The following SEMA6D variants were observed in gnomAD, a reference collection of about 807,000 sequenced individuals.
The protein encoded by SEMA6D is semaphorin 6D.
In SEMA6D, 35 loss-of-function variants were observed where a neutral mutation model predicts 106.6. The observed-to-expected ratio is 0.33, with a 90% CI of 0.25 to 0.44. The LOEUF (loss-of-function observed/expected upper bound fraction) is 0.44, where lower values mean the gene tolerates loss of function less well. Ranked by LOEUF, SEMA6D falls within the 20% of genes least tolerant of loss-of-function variation. The pLI, the probability that SEMA6D is intolerant of heterozygous loss-of-function variation, is 1.00. For synonymous variants in SEMA6D, 499 were observed against 487.7 expected (o/e 1.02, Z -0.31); for missense variants, 1,185 against 1,345.9 (o/e 0.88, Z 1.87).
Position 47,765,997 on chromosome 15 carries a change from G to A in SEMA6D, c.1556G>A (p.Gly519Glu). The change falls in exon 14 of 19, where the codon GGA becomes GAA. Residue 519 changes from glycine to glutamate, a missense_variant. Physicochemically the swap from Gly to Glu is moderately conservative, Grantham distance 98 (BLOSUM62 -2). Around this residue, in one of 3 missense-constraint regions of SEMA6D, gnomAD observed 750 missense variants for 783.5 expected, o/e 0.96. Coordinates refer to ENST00000536845, the MANE Select transcript of SEMA6D (RefSeq NM_001358351.3). ...RIPLSRCERY[G>E]SCKKSCIASR... ...CCCCTCAGTCGCTGTGAGCGTTATGGATCATGTAAAAAGTAAGCTCGTGTT... is the reference window on the plus strand; with the variant it reads ...CCCCTCAGTCGCTGTGAGCGTTATGAATCATGTAAAAAGTAAGCTCGTGTT... 4 of 1,601,566 alleles carry A rather than the reference G, an allele frequency of 2.5e-6. No homozygotes were observed. The highest frequency in any genetic ancestry group is 3.4e-6 in the Non-Finnish European group (4 of 1,173,032).
intron 1 of SEMA6D, among the ~76,000 whole-genome samples, chr15:47,406,233 T>TA (rs1321875750): frequency 6.6e-6 from 1 of 152,226 alleles, no homozygotes; most frequent in Non-Finnish European, 1.5e-5. Context: ...GCTCAGTCTA[T>TA]ATGAACATAG....
At chr15:47,273,993 T>C (rs2034683698) in intron 1 of SEMA6D, among the ~76,000 whole-genome samples, 1 of 152,294 alleles carries the variant, frequency 6.6e-6, no homozygotes, top group African/African-American at 2.4e-5. Context: ...TGAAATGTAC[T>C]GACCTCTTTG....
chr15:47,628,493 T>G (rs1167495237), intron 4 of SEMA6D, among the ~76,000 whole-genome samples: 1 of 152,124 alleles, frequency 6.6e-6, no homozygotes, highest in Non-Finnish European at 1.5e-5. Flanking sequence ...AATTTTTATT[T>G]GTATTTCCCT....
intron 3 of SEMA6D, among the ~76,000 whole-genome samples, chr15:47,493,843 G>A (rs1177609877): frequency 6.6e-6 from 1 of 152,072 alleles, no homozygotes; most frequent in Non-Finnish European, 1.5e-5. Flanking sequence ...CCTATCCTAG[G>A]CTTTCTGTTG....
chr15:47,348,590 T>C (rs578458), intron 1 of SEMA6D, among the ~76,000 whole-genome samples: 70,837 of 151,368 alleles, frequency 0.47, 19,674 homozygotes, highest in South Asian at 0.61. Context: ...AACAGGAATT[T>C]GAAGGTGTAC....
chr15:47,215,296 C>T (rs1389010817), intron 1 of SEMA6D, among the ~76,000 whole-genome samples: 1 of 151,608 alleles, frequency 6.6e-6, no homozygotes, highest in Non-Finnish European at 1.5e-5. Context: ...ATTATTGGAA[C>T]CAGGTTATAG....
At chr15:47,311,557 A>G (rs1053828841) in intron 1 of SEMA6D, among the ~76,000 whole-genome samples, 1 of 152,160 alleles carries the variant, frequency 6.6e-6, no homozygotes, top group African/African-American at 2.4e-5. Context: ...GCAGAGTGAT[A>G]TTTACCCTGA....
chr15:47,526,574 A>G (rs940507883), intron 3 of SEMA6D, among the ~76,000 whole-genome samples: 3 of 152,112 alleles, frequency 2.0e-5, no homozygotes, highest in Non-Finnish European at 4.4e-5. Context: ...GAACGTGCAT[A>G]TTTAATTTGG....
At chr15:47,622,011 G>C (rs541627464) in intron 4 of SEMA6D, among the ~76,000 whole-genome samples, 2 of 152,082 alleles carry the variant, frequency 1.3e-5, no homozygotes, top group Non-Finnish European at 2.9e-5. Context: ...GGAGGGTTCC[G>C]TTCATGAGGA....
chr15:47,375,287 C>T (rs1304203879), intron 1 of SEMA6D, among the ~76,000 whole-genome samples: 3 of 152,156 alleles, frequency 2.0e-5, no homozygotes, highest in Non-Finnish European at 2.9e-5. Flanking sequence ...TGAACAACTA[C>T]GATCTTGGGA....
At chr15:47,717,871 T>G (rs1248218355) in intron 1 of SEMA6D, among the ~76,000 whole-genome samples, 179 bp downstream of exon 1, 3 of 131,486 alleles carry the variant, frequency 2.3e-5, no homozygotes, top group African/African-American at 7.9e-5. Context: ...TGTGTGTGTG[T>G]GTGTGTGTTG....
intron 2 of SEMA6D, among the ~76,000 whole-genome samples, chr15:47,470,303 G>A (rs1000355266): frequency 6.6e-6 from 1 of 152,004 alleles, no homozygotes; most frequent in Non-Finnish European, 1.5e-5. Flanking sequence ...ATTAAGTTTT[G>A]CATGGAGAAA....
chr15:47,671,757 C>T (rs10519138), intron 4 of SEMA6D, among the ~76,000 whole-genome samples: 27,712 of 151,740 alleles, frequency 0.18, 3,089 homozygotes, highest in South Asian at 0.27. Flanking sequence ...AGCAATAAAA[C>T]GGAATTGAAG....
intron 3 of SEMA6D, among the ~76,000 whole-genome samples, chr15:47,568,649 A>T (rs377750537): frequency 1.3e-5 from 2 of 152,162 alleles, no homozygotes; most frequent in Non-Finnish European, 2.9e-5. Context: ...GGTGATGAGC[A>T]TATAAGTATT....
intron 4 of SEMA6D, among the ~76,000 whole-genome samples, chr15:47,694,395 A>G (rs780654897): frequency 3.9e-5 from 6 of 152,040 alleles, no homozygotes; most frequent in East Asian, 1.9e-4. Flanking sequence ...TGACACCTCA[A>G]TGTCTTTAAG....
intron 1 of SEMA6D, among the ~76,000 whole-genome samples, chr15:47,385,289 T>G (rs1362700256): frequency 6.6e-6 from 1 of 152,154 alleles, no homozygotes; most frequent in Non-Finnish European, 1.5e-5. Context: ...GGTTTCCATT[T>G]ACAATACCTT....
chr15:47,301,056 G>A (rs567776239), intron 1 of SEMA6D, among the ~76,000 whole-genome samples: 1 of 152,374 alleles, frequency 6.6e-6, no homozygotes. Flanking sequence ...TGTGGGTATA[G>A]AATGTGGCTG....
At chr15:47,609,884 C>T (rs2076859680) in intron 4 of SEMA6D, among the ~76,000 whole-genome samples, 2 of 152,184 alleles carry the variant, frequency 1.3e-5, no homozygotes, top group African/African-American at 4.8e-5. Flanking sequence ...CTGCCACTGC[C>T]CCTGTGGCTT....
rs150241414 is a variant in SEMA6D at position 47,354,661 on chromosome 15, A to G, written c.-238-57732A>G. ...AGTTTTCCAAAAGTATCTCCCTTCA[A>G]TGAGGAGGGGTTAGTGTGCATCAGC... is the stretch of plus-strand genomic sequence containing the variant. On this transcript the variant is annotated intron_variant, in intron 1 of 19. Coordinates refer to the SEMA6D transcript ENST00000558014. Among the ~76,000 whole-genome samples the G allele has an allele frequency of 1.8e-4, 28 of 151,906 alleles. No individual in the cohort carries two copies. In the East Asian group the frequency reaches 4.1e-3, roughly 22 times the overall value.
Sources: allele counts gnomAD v4.1 joint callset (sites outside exome capture counted in the v4.1 genomes callset), GRCh38; gene constraint gnomAD v4.1.1; regional missense constraint gnomAD v4.1.1; transcripts MANE v1.5; gene names NCBI Gene and HGNC (gene_info 2026-07-23, HGNC 2026-07-21).